Variants in STK38 observed in about 807,000 individuals in gnomAD.
The protein encoded by STK38 is serine/threonine-protein kinase 38.
STK38 carries 26 observed loss-of-function variants against 59.0 expected under a neutral mutation model. The observed-to-expected ratio is 0.44, with a 90% confidence interval of 0.32 to 0.61. The LOEUF is 0.61. STK38 is among the 20% of genes least tolerant of loss of function. STK38 has a pLI of 0.04. For synonymous variants in STK38, 175 were observed against 176.6 expected, an observed-to-expected ratio of 0.99 and a Z score of 0.07; for missense variants, 433 against 566.0, an observed-to-expected ratio of 0.76 and a Z score of 2.38.
chr6:36,524,375 G>T lies in STK38; in HGVS notation c.272C>A (p.Ser91Tyr). ...RTRLGLEDFE[S>Y]LKVIGRGAFG... Reference sequence around the variant, plus strand: ...TGCTCCTCTGCCTATTACTTTTAAGGACTCAAAATCTTCCAATCCAAGTCT... The same window carrying T: ...TGCTCCTCTGCCTATTACTTTTAAGTACTCAAAATCTTCCAATCCAAGTCT... The change falls in exon 4 of 14, where the codon TCC becomes TAC. Residue 91 changes from serine to tyrosine, a missense_variant. Around this residue, in one of 3 missense-constraint regions of STK38, gnomAD observed 293 missense variants for 388.2 expected, o/e 0.75. Coordinates refer to ENST00000229812, the MANE Select transcript of STK38 (RefSeq NM_007271.4). 6.2e-7 allele frequency: 1 copy of T among 1,613,242 alleles called. No homozygotes were observed. Among genetic ancestry groups the T allele is most frequent in the Non-Finnish European group, 8.5e-7 (1 of 1,179,720 alleles).
At chr6:36,544,914 G>A (rs1778023865) in intron 1 of STK38, among the ~76,000 whole-genome samples, 1 of 152,152 alleles carries the variant, frequency 6.6e-6, no homozygotes, top group Non-Finnish European at 1.5e-5. Context: ...CAATCTGCTA[G>A]TATTTAACCC....
intron 9 of STK38, among the ~76,000 whole-genome samples, chr6:36,504,898 C>CAAAAAAAAAAAAAAAAAAAAAAAAAA (rs562032331): frequency 1.6e-5 from 1 of 64,072 alleles, no homozygotes; most frequent in Non-Finnish European, 3.0e-5. Context: ...TCCTGGCCTC[C>CAAAAAAAAAAAAAAAAAAAAAAAAAA]AAAAAAAAAA....
intron 2 of STK38, among the ~76,000 whole-genome samples, chr6:36,537,014 C>T (rs530788193): frequency 1.8e-4 from 27 of 151,908 alleles, no homozygotes; most frequent in Non-Finnish European, 3.1e-4. Context: ...AGATTACTTA[C>T]GAAACATACA....
At chr6:36,500,549 CAA>C (rs1238962102) in intron 9 of STK38, among the ~76,000 whole-genome samples, 4 of 151,964 alleles carry the variant, frequency 2.6e-5, no homozygotes, top group Non-Finnish European at 5.9e-5. Flanking sequence ...ATCACGAGGT[CAA>C]GAGATGGAGA....
intron 9 of STK38, among the ~76,000 whole-genome samples, chr6:36,502,440 G>A (rs1225509931): frequency 6.6e-6 from 1 of 151,992 alleles, no homozygotes; most frequent in Non-Finnish European, 1.5e-5. Context: ...AAGTTGTGTT[G>A]TCCTTTTTCT....
intron 2 of STK38, among the ~76,000 whole-genome samples, chr6:36,530,306 A>AG (rs1341123881): frequency 2.1e-5 from 3 of 142,424 alleles, no homozygotes; most frequent in African/African-American, 8.1e-5. Flanking sequence ...AGGGGAGCGG[A>AG]GGGGGAGGGG....
At chr6:36,505,129 A>T (rs1452403530) in intron 9 of STK38, among the ~76,000 whole-genome samples, 1 of 152,144 alleles carries the variant, frequency 6.6e-6, no homozygotes, top group Non-Finnish European at 1.5e-5. Context: ...TATATCCCAG[A>T]CCAACTGAAT....
intron 7 of STK38, among the ~76,000 whole-genome samples, chr6:36,509,375 G>A (rs1280320658): frequency 6.6e-6 from 1 of 152,170 alleles, no homozygotes; most frequent in Non-Finnish European, 1.5e-5. Flanking sequence ...GGTTCGGTAA[G>A]GGTGGTGAGA....
intron 4 of STK38, chr6:36,522,205 T>A (rs1439932332): frequency 6.0e-6 from 1 of 167,404 alleles, no homozygotes; most frequent in Non-Finnish European, 1.3e-5. Context: ...TGCATGGTGG[T>A]GTATACCTGT....
At chr6:36,541,831 C>CTTTTTTTTTTTTTTTT (rs58320889) in intron 1 of STK38, among the ~76,000 whole-genome samples, 2 of 135,936 alleles carry the variant, frequency 1.5e-5, no homozygotes, top group African/African-American at 2.8e-5. Flanking sequence ...TTTTCTTTTT[C>CTTTTTTTTTTTTTTTT]TTTTTTTTTT....
At chr6:36,533,513 A>C (rs993333577) in intron 2 of STK38, among the ~76,000 whole-genome samples, 1 of 152,210 alleles carries the variant, frequency 6.6e-6, no homozygotes, top group African/African-American at 2.4e-5. Context: ...TGAAACTTTT[A>C]GAAGGCTTTT....
At chr6:36,503,092 G>C (rs1010656580) in intron 9 of STK38, among the ~76,000 whole-genome samples, 2 of 152,180 alleles carry the variant, frequency 1.3e-5, no homozygotes, top group South Asian at 2.1e-4. Flanking sequence ...CACATGTGCA[G>C]TTTCTCCAGG....
At position 36,527,207 on chromosome 6, in the gene STK38, A is replaced by ATATATATATATATATATAT. The variant is rs1554168828; in HGVS notation, c.132-1566_132-1565insATATATATATATATATATA. On this transcript the variant is annotated intron_variant, in intron 2 of 13. Transcript: ENST00000229812. ...ACTCCGTCTCAAAAAAAAAAAAAAA[A>ATATATATATATATATATAT]ATATATGTATATATATATATATTTA... is the stretch of plus-strand genomic sequence containing the variant. Among the ~76,000 whole-genome samples, 27 of 119,346 alleles carry ATATATATATATATATATAT rather than the reference A, an allele frequency of 2.3e-4. 1 individual carries two copies. The Admixed American group carries it at 2.5e-3, about 11-fold the overall frequency. The allele number at this position is 119,346 out of a possible 152,430, so 78.3% of individuals were successfully genotyped here. A position where few individuals can be genotyped will look rare whatever the true frequency, so the allele number is the denominator to read the frequency against.
intron 8 of STK38, 92 bp from the exon 9 acceptor site, chr6:36,506,736 A>G (rs967537972): frequency 2.9e-5 from 34 of 1,164,520 alleles, no homozygotes; most frequent in African/African-American, 1.4e-4. Context: ...ATGAGACCCT[A>G]AAGTCTTGCT....
intron 4 of STK38, among the ~76,000 whole-genome samples, chr6:36,522,655 C>T (rs754046907): frequency 6.6e-6 from 1 of 151,876 alleles, no homozygotes; most frequent in Non-Finnish European, 1.5e-5. Context: ...TCCAGGAGTT[C>T]GAGACCAGCC....
chr6:36,535,892 AG>A (rs1318820133), intron 2 of STK38, among the ~76,000 whole-genome samples: 45 of 150,052 alleles, frequency 3.0e-4, no homozygotes, highest in Non-Finnish European at 4.9e-4. Context: ...AAAAAAAAAA[AG>A]CAACATAATT....
At chr6:36,507,747 T>G (rs1482022825) in intron 7 of STK38, 145 bp from the exon 8 acceptor site, 2 of 559,402 alleles carry the variant, frequency 3.6e-6, no homozygotes, top group African/African-American at 1.9e-5. Flanking sequence ...ATCATGTAAT[T>G]GCAGATAAAT....
chr6:36,536,979 G>A (rs1454688691), intron 2 of STK38, among the ~76,000 whole-genome samples: 1 of 151,562 alleles, frequency 6.6e-6, no homozygotes, highest in African/African-American at 2.4e-5. Flanking sequence ...TTAACAAGAT[G>A]AGCAAGAAAG....
intron 3 of STK38, 67 bp downstream of exon 3, chr6:36,525,524 C>G: frequency 6.9e-7 from 1 of 1,458,042 alleles, no homozygotes; most frequent in South Asian, 1.2e-5. Context: ...CCAAGGCTAA[C>G]AACTCACTGG....
Sources: gnomAD v4.1 joint callset for allele counts (sites outside exome capture counted in the v4.1 genomes callset) on GRCh38, gnomAD v4.1.1 for gene constraint, gnomAD v4.1.1 regional missense constraint, MANE v1.5 for transcripts, NCBI Gene and HGNC (gene_info 2026-07-23, HGNC 2026-07-21) for gene names.